The following MCPH1 variants were observed in gnomAD, a reference collection of about 807,000 sequenced individuals.
The protein encoded by MCPH1 is microcephalin.
In MCPH1, 104 loss-of-function variants were observed where a neutral mutation model predicts 84.5. That is an observed-to-expected ratio of 1.23 (90% CI 1.05 to 1.45). MCPH1 has a LOEUF of 1.45. MCPH1 is among the 40% of genes most tolerant of loss of function. The pLI is 0.00. For synonymous variants in MCPH1, 514 were observed against 366.8 expected (o/e 1.40, Z -4.58); for missense variants, 1,498 against 1,005.7 (o/e 1.49, Z -6.62).
chr8:6,410,472 G>A (rs1051658740), intron 2 of MCPH1, among the ~76,000 whole-genome samples: 1 of 152,184 alleles, frequency 6.6e-6, no homozygotes, highest in Non-Finnish European at 1.5e-5. Flanking sequence ...AATGGAGATA[G>A]CAAACAATTT....
At chr8:6,533,121 G>C (rs1819839384) in intron 12 of MCPH1, among the ~76,000 whole-genome samples, 1 of 152,104 alleles carries the variant, frequency 6.6e-6, no homozygotes, top group Non-Finnish European at 1.5e-5. Flanking sequence ...TCACAATTTT[G>C]TCATTTCATG....
chr8:6,496,085 T>C (rs1033965201), intron 11 of MCPH1, among the ~76,000 whole-genome samples: 2 of 152,192 alleles, frequency 1.3e-5, no homozygotes, highest in African/African-American at 2.4e-5. Context: ...TATTATTACA[T>C]TGTAATATAT....
intron 9 of MCPH1, 32 bp from the exon 10 acceptor site, chr8:6,477,562 G>A (rs201432002): frequency 1.2e-6 from 2 of 1,604,110 alleles, no homozygotes; most frequent in African/African-American, 1.3e-5. Flanking sequence ...GTTTTTGACT[G>A]TTTTTTGTTC....
intron 12 of MCPH1, among the ~76,000 whole-genome samples, chr8:6,539,046 TG>T (rs1821023959): frequency 6.6e-6 from 1 of 152,116 alleles, no homozygotes; most frequent in Non-Finnish European, 1.5e-5. Context: ...TGTGTGTGTG[TG>T]TGTTTATTCT....
At chr8:6,519,696 G>C (rs1010239783) in intron 12 of MCPH1, among the ~76,000 whole-genome samples, 2 of 152,202 alleles carry the variant, frequency 1.3e-5, no homozygotes, top group Admixed American at 6.5e-5. Context: ...GCGGCACTTA[G>C]AGCCCTTGGC....
At chr8:6,613,050 G>C (rs1465494384) in intron 12 of MCPH1, among the ~76,000 whole-genome samples, 3 of 152,220 alleles carry the variant, frequency 2.0e-5, no homozygotes, top group Admixed American at 2.0e-4. Context: ...GAGAGGCATG[G>C]GGTTGGCCTG....
rs79054035 is a variant in MCPH1, at chr8:6,547,081, G to A, written c.2214+47152G>A. On this transcript the variant is annotated intron_variant, in intron 12 of 13. Coordinates refer to ENST00000344683, the MANE Select transcript of MCPH1 (RefSeq NM_024596.5). ...ACCGTGGTTGCCTTCGGGCTAATGC[G>A]TTTTTGGAAGTGTAGATAGGTGCCA... 2.8e-3 allele frequency among the ~76,000 whole-genome samples: 428 copies of A among 152,090 alleles called. 4 individuals carry two copies. The East Asian group carries it at 0.042, about 15-fold the overall frequency.
intron 13 of MCPH1, chr8:6,627,178 G>T: frequency 2.0e-6 from 2 of 985,366 alleles, no homozygotes; most frequent in South Asian, 4.7e-5. Context: ...CTCCCATGGG[G>T]CCACTCGGGA....
In MCPH1 at chr8:6,644,678, C is replaced by G. The variant is rs1798127690; in HGVS notation, c.*1629C>G. 6.6e-6 allele frequency: 1 copy of G among 152,102 alleles called. No individual in the cohort carries two copies. The highest frequency in any genetic ancestry group is 1.9e-4 in the East Asian group (1 of 5,190). The allele number at this position is 152,102 out of a possible 1,614,324, so 9.4% of individuals were successfully genotyped here. A position where few individuals can be genotyped will look rare whatever the true frequency, so the allele number is the denominator to read the frequency against. ...AGAACCATAAACGAGATGCTGAGTC[C>G]CAGCGAGGTCGGAGGTGCCACTGAG... On this transcript the variant is annotated 3_prime_UTR_variant, in exon 14 of 14. Transcript: ENST00000344683.
rs1175421330 is a variant in MCPH1 at position 6,645,698 on chromosome 8, T to G, written c.*2649T>G. On this transcript the variant is annotated 3_prime_UTR_variant, in exon 14 of 14. Coordinates refer to ENST00000344683, the MANE Select transcript of MCPH1 (RefSeq NM_024596.5). ...TCTTGCAATCTTCCTAAAGATTATATACAAACCTAACAGAATTGTATTTAT... is the reference window on the plus strand; with the variant it reads ...TCTTGCAATCTTCCTAAAGATTATAGACAAACCTAACAGAATTGTATTTAT... 6.7e-6 allele frequency: 1 copy of G among 149,752 alleles called. No homozygotes were observed. Among genetic ancestry groups the G allele is most frequent in the Non-Finnish European group, 1.5e-5 (1 of 67,646 alleles). The allele number at this position is 149,752 out of a possible 1,614,324, so 9.3% of individuals were successfully genotyped here.
chr8:6,436,996 T>C (rs933224624), intron 5 of MCPH1, among the ~76,000 whole-genome samples: 1 of 152,060 alleles, frequency 6.6e-6, no homozygotes, highest in Admixed American at 6.6e-5. Flanking sequence ...TATGAAACAT[T>C]AAGATGCTTT....
At chr8:6,578,047 G>T (rs1348111871) in intron 12 of MCPH1, among the ~76,000 whole-genome samples, 1 of 152,148 alleles carries the variant, frequency 6.6e-6, no homozygotes. Flanking sequence ...TTTGGGGAGA[G>T]CCTCACTCCC....
intron 12 of MCPH1, among the ~76,000 whole-genome samples, chr8:6,603,836 T>C (rs752695753): frequency 1.3e-5 from 2 of 152,230 alleles, no homozygotes; most frequent in Non-Finnish European, 2.9e-5. Context: ...AATTCCATCT[T>C]ACATTAAAAA....
chr8:6,412,694 G>C (rs1407388558), intron 2 of MCPH1, among the ~76,000 whole-genome samples: 1 of 152,154 alleles, frequency 6.6e-6, no homozygotes, highest in African/African-American at 2.4e-5. Context: ...TTTGATAAAA[G>C]CCTTGTGGGA....
chr8:6,451,074 T>C (rs1227428975), intron 8 of MCPH1, among the ~76,000 whole-genome samples: 1 of 152,222 alleles, frequency 6.6e-6, no homozygotes, highest in Non-Finnish European at 1.5e-5. Context: ...TTGTTGCAAA[T>C]AAATAGATAG....
At chr8:6,640,090 G>C (rs1424382082) in intron 13 of MCPH1, among the ~76,000 whole-genome samples, 1 of 145,912 alleles carries the variant, frequency 6.9e-6, no homozygotes, top group African/African-American at 2.6e-5. Context: ...GTGTGTGTGT[G>C]TGTGTGTGCG....
intron 9 of MCPH1, among the ~76,000 whole-genome samples, chr8:6,471,581 C>T (rs1234192131): frequency 1.3e-5 from 2 of 152,138 alleles, no homozygotes; most frequent in Admixed American, 6.5e-5. Flanking sequence ...AAAATAGCAA[C>T]AATACTGTAA....
rs750392852 is a variant in MCPH1, at chr8:6,419,144, C to CACACAG, written c.233+4266_233+4267insGACACA. 9.6e-3 allele frequency among the ~76,000 whole-genome samples: 886 copies of CACACAG among 92,554 alleles called. 3 individuals are homozygous for CACACAG. The highest frequency in any genetic ancestry group is 0.029 in the Middle Eastern group (5 of 170). 60.7% of individuals were successfully genotyped at this position (92,554 alleles called of 152,430 possible). ...ATATACACATACACACACACACACA[C>CACACAG]ACACACAGACACACACACACACACA... On this transcript the variant is annotated intron_variant, in intron 3 of 13. Transcript: ENST00000344683.
intron 2 of MCPH1, among the ~76,000 whole-genome samples, chr8:6,410,464 T>C (rs915737112): frequency 1.3e-5 from 2 of 152,338 alleles, no homozygotes; most frequent in East Asian, 1.9e-4. Flanking sequence ...TATGAGGAAA[T>C]GGAGATAGCA....
Sources: gnomAD v4.1 joint callset for allele counts (sites outside exome capture counted in the v4.1 genomes callset) on GRCh38, gnomAD v4.1.1 for gene constraint, MANE v1.5 for transcripts, NCBI Gene and HGNC (gene_info 2026-07-23, HGNC 2026-07-21) for gene names.